Variants in FRMPD4 observed in about 807,000 individuals in gnomAD.
FRMPD4 encodes FERM and PDZ domain containing 4.
In FRMPD4, 22 loss-of-function variants were observed where a neutral mutation model predicts 94.1. The ratio of observed to expected loss-of-function variants is 0.23; its 90% CI spans 0.17 to 0.33. The LOEUF (loss-of-function observed/expected upper bound fraction) is 0.33. FRMPD4 is among the 10% of genes least tolerant of loss of function. FRMPD4 has a pLI of 1.00. For missense variants in FRMPD4, 1,111 were observed against 1,339.9 expected (o/e 0.83, Z 2.67); for synonymous variants, 631 against 548.6 (o/e 1.15, Z -2.10).
chrX:12,562,071 A>G (rs186996497), intron 2 of FRMPD4, among the ~76,000 whole-genome samples: 43 of 112,141 alleles, frequency 3.8e-4, no homozygotes, highest in African/African-American at 1.4e-3. Context: ...GAAGTAAGCC[A>G]AATTTATTCA....
chrX:12,654,408 T>C (rs762855498), intron 4 of FRMPD4, among the ~76,000 whole-genome samples: 12 of 111,369 alleles, frequency 1.1e-4, no homozygotes, highest in Non-Finnish European at 2.3e-4. Context: ...GTGTTACTGG[T>C]GAAAGAAATG....
At chrX:12,276,426 A>G (rs1398954608) in intron 1 of FRMPD4, among the ~76,000 whole-genome samples, 1 of 112,118 alleles carries the variant, frequency 8.9e-6, no homozygotes, top group Non-Finnish European at 1.9e-5. Context: ...AGGCAGGGCA[A>G]TCGGAAGTGG....
chrX:12,495,134 C>A, intron 1 of FRMPD4: 1 of 239,042 alleles, frequency 4.2e-6, no homozygotes, highest in Non-Finnish European at 6.0e-6. Context: ...TTCTGACATT[C>A]TGGGAAGGTG....
At chrX:12,082,742 T>C (rs1395796903) in intron 3 of FRMPD4, among the ~76,000 whole-genome samples, 1 of 111,539 alleles carries the variant, frequency 9.0e-6, no homozygotes, top group Non-Finnish European at 1.9e-5. Flanking sequence ...TGGTCTCAGA[T>C]GAAGATGAGG....
chrX:12,501,687 A>G (rs1202761851), intron 2 of FRMPD4, among the ~76,000 whole-genome samples: 1 of 111,348 alleles, frequency 9.0e-6, no homozygotes, highest in Non-Finnish European at 1.9e-5. Context: ...TCGTCTTAGG[A>G]TGTAAATAAC....
chrX:12,038,487 CTG>C (rs768010467), intron 3 of FRMPD4, among the ~76,000 whole-genome samples: 1 of 112,158 alleles, frequency 8.9e-6, no homozygotes, highest in African/African-American at 3.2e-5. Flanking sequence ...TGTGGAGTGT[CTG>C]TGCTTTCTTT....
chrX:12,364,439 T>C (rs947077826), intron 1 of FRMPD4, among the ~76,000 whole-genome samples: 9 of 111,174 alleles, frequency 8.1e-5, no homozygotes. Flanking sequence ...TTCGGCCTGC[T>C]CTGGGGCAAA....
chrX:12,207,444 A>T (rs1239127039), intron 1 of FRMPD4, among the ~76,000 whole-genome samples: 1 of 111,001 alleles, frequency 9.0e-6, no homozygotes, highest in Non-Finnish European at 1.9e-5. Context: ...CATAGCTTGT[A>T]TTGTGCTAAC....
At chrX:12,528,776 G>A (rs767326566) in intron 2 of FRMPD4, among the ~76,000 whole-genome samples, 18 of 112,039 alleles carry the variant, frequency 1.6e-4, no homozygotes, top group East Asian at 1.1e-3. Flanking sequence ...CATCTTGACC[G>A]TTGTTCCAAG....
chrX:12,375,781 A>C (rs1039502835), intron 1 of FRMPD4, among the ~76,000 whole-genome samples: 1 of 111,890 alleles, frequency 8.9e-6, no homozygotes, highest in African/African-American at 3.3e-5. Flanking sequence ...CATCCACATA[A>C]AGAAAGCGGA....
At chrX:12,632,373 G>A (rs2059403843) in intron 4 of FRMPD4, among the ~76,000 whole-genome samples, 1 of 111,605 alleles carries the variant, frequency 9.0e-6, no homozygotes, top group African/African-American at 3.3e-5. Flanking sequence ...TCAATGGAAG[G>A]ACATTTAACT....
At chrX:12,443,280 C>T (rs375077338) in intron 1 of FRMPD4, among the ~76,000 whole-genome samples, 26 of 111,795 alleles carry the variant, frequency 2.3e-4, no homozygotes, top group East Asian at 8.3e-4. Context: ...GTATATACAA[C>T]GCAAGCCACA....
At chrX:12,558,014 C>T (rs1278607282) in intron 2 of FRMPD4, among the ~76,000 whole-genome samples, 2 of 112,454 alleles carry the variant, frequency 1.8e-5, no homozygotes, top group African/African-American at 6.5e-5. Context: ...TCAACCACAG[C>T]ATATTGTTAG....
chrX:12,317,585 C>CAAAAAAAAAAAA (rs376884335), intron 1 of FRMPD4, among the ~76,000 whole-genome samples: 12 of 42,417 alleles, frequency 2.8e-4, no homozygotes, highest in African/African-American at 8.3e-4. Context: ...AACTAAATAG[C>CAAAAAAAAAAAA]AAAAAAAAAA....
chrX:12,082,100 T>C (rs2055066875), intron 3 of FRMPD4, among the ~76,000 whole-genome samples: 1 of 112,061 alleles, frequency 8.9e-6, no homozygotes, highest in Non-Finnish European at 1.9e-5. Flanking sequence ...AATGTCGAAT[T>C]GTGTTTCTCT....
chrX:11,919,185 T>G (rs924854788), intron 3 of FRMPD4, among the ~76,000 whole-genome samples: 1 of 112,477 alleles, frequency 8.9e-6, no homozygotes, highest in Non-Finnish European at 1.9e-5. Context: ...ATCCCCAGCC[T>G]GTATATACTG....
intron 1 of FRMPD4, among the ~76,000 whole-genome samples, chrX:12,146,727 C>T (rs1426677721): frequency 8.9e-6 from 1 of 112,462 alleles, no homozygotes; most frequent in Non-Finnish European, 1.9e-5. Flanking sequence ...CTTTTATTAG[C>T]GAAGATAATT....
chrX:11,976,050 G>A (rs1200707861), intron 3 of FRMPD4, among the ~76,000 whole-genome samples: 1 of 111,642 alleles, frequency 9.0e-6, no homozygotes, highest in Non-Finnish European at 1.9e-5. Context: ...TGTTGTGGCA[G>A]GTACATGGGA....
chrX:11,882,606 G>A (rs1326302257), intron 3 of FRMPD4, among the ~76,000 whole-genome samples: 1 of 111,571 alleles, frequency 9.0e-6, no homozygotes, highest in African/African-American at 3.3e-5. Context: ...TAAAAATATT[G>A]TGTAAAATTA....
Sources: allele counts gnomAD v4.1 joint callset (sites outside exome capture counted in the v4.1 genomes callset), GRCh38; gene constraint gnomAD v4.1.1; transcripts MANE v1.5; gene names NCBI Gene and HGNC (gene_info 2026-07-23, HGNC 2026-07-21).